The following PACRG variants were observed in gnomAD, a reference collection of about 807,000 sequenced individuals.
The protein encoded by PACRG is parkin coregulated.
In PACRG, 29 loss-of-function variants were observed where a neutral mutation model predicts 29.7. That is an observed-to-expected ratio of 0.98 (90% CI 0.73 to 1.33). The LOEUF (loss-of-function observed/expected upper bound fraction) is 1.33, where lower values mean the gene tolerates loss of function less well. PACRG is among the 40% of genes most tolerant of loss of function. The probability of loss-of-function intolerance (pLI) is 0.00; values close to 1 mark genes in which losing one functional copy is unlikely to be tolerated. For synonymous variants in PACRG, 116 were observed against 118.7 expected (o/e 0.98, Z 0.15); for missense variants, 279 against 316.2 (o/e 0.88, Z 0.89).
rs771206229 is a variant in PACRG, at chr6:163,089,294, G to T, written c.499G>T (p.Val167Phe). ...LNLRNRQVIC[V>F]TLKVLQHLVV... ...CCTCCGAAACCGACAGGTCATCTGT[G>T]TCACTCTCAAGGTCCTCCAGCATCT... Residue 167 changes from valine (V) to phenylalanine (F), a missense_variant, in exon 4 of 5, where the codon GTC (valine) becomes TTC (phenylalanine). Coordinates refer to ENST00000366888, the MANE Select transcript of PACRG (RefSeq NM_001080379.2). 1 of 1,613,960 alleles carries T rather than the reference G, an allele frequency of 6.2e-7. No homozygotes were observed. Among genetic ancestry groups the T allele is most frequent in the Non-Finnish European group, 8.5e-7 (1 of 1,180,022 alleles).
At chr6:163,119,559 A>G (rs1220861650) in intron 4 of PACRG, among the ~76,000 whole-genome samples, 2 of 152,180 alleles carry the variant, frequency 1.3e-5, no homozygotes, top group African/African-American at 4.8e-5. Context: ...TTGCTCAGCT[A>G]CACCCATCTC....
chr6:162,727,869 C>T (rs1779388996), upstream of PACRG: 2 of 603,216 alleles, frequency 3.3e-6, no homozygotes, highest in Non-Finnish European at 5.8e-6. Flanking sequence ...AGTTTCTCCT[C>T]ACGCCTCCTG....
At chr6:162,843,781 G>A (rs1249253235) in intron 2 of PACRG, among the ~76,000 whole-genome samples, 7 of 51,664 alleles carry the variant, frequency 1.4e-4, no homozygotes, top group Admixed American at 2.7e-4. Context: ...TTTTTGGTGT[G>A]GATGTCCTTT....
At chr6:162,904,355 A>G (rs1302830717) in intron 2 of PACRG, among the ~76,000 whole-genome samples, 2 of 152,232 alleles carry the variant, frequency 1.3e-5, no homozygotes, top group Non-Finnish European at 2.9e-5. Context: ...AAACTCACAC[A>G]GACTCAGGAA....
At chr6:162,752,017 C>A (rs1436761496) in intron 1 of PACRG, among the ~76,000 whole-genome samples, 1 of 152,028 alleles carries the variant, frequency 6.6e-6, no homozygotes, top group Non-Finnish European at 1.5e-5. Context: ...ACTTACATGG[C>A]ACATCTTAGG....
At chr6:163,085,366 G>T (rs2128296062) in intron 3 of PACRG, among the ~76,000 whole-genome samples, 1 of 152,238 alleles carries the variant, frequency 6.6e-6, no homozygotes, top group South Asian at 2.1e-4. Flanking sequence ...AAAGAGAAAA[G>T]AAAGAAACCC....
At chr6:162,920,463 T>C (rs1290245509) in intron 2 of PACRG, among the ~76,000 whole-genome samples, 2 of 152,204 alleles carry the variant, frequency 1.3e-5, no homozygotes, top group African/African-American at 4.8e-5. Flanking sequence ...TGGTCTATTA[T>C]GAGAACTCTG....
intron 2 of PACRG, among the ~76,000 whole-genome samples, chr6:162,980,822 A>G (rs73783954): frequency 0.059 from 9,015 of 152,268 alleles, 661 homozygotes; most frequent in African/African-American, 0.17. Flanking sequence ...ACAGGAAACT[A>G]TGGTAATTAC....
At chr6:162,905,087 C>T (rs1431188160) in intron 2 of PACRG, among the ~76,000 whole-genome samples, 1 of 152,182 alleles carries the variant, frequency 6.6e-6, no homozygotes, top group African/African-American at 2.4e-5. Flanking sequence ...GGAAAAGCCT[C>T]CTGGTCCCCT....
chr6:163,276,901 G>A (rs1370368755), intron 4 of PACRG, among the ~76,000 whole-genome samples: 1 of 152,048 alleles, frequency 6.6e-6, no homozygotes, highest in African/African-American at 2.4e-5. Flanking sequence ...TAAGATATTT[G>A]GTTATAGCAC....
chr6:163,046,443 C>T (rs752639841), intron 2 of PACRG: 1 of 151,624 alleles, frequency 6.6e-6, no homozygotes, highest in African/African-American at 2.4e-5. Flanking sequence ...TTAGCACATG[C>T]TAAATGGTAT....
intron 3 of PACRG, among the ~76,000 whole-genome samples, chr6:163,069,850 A>C (rs992410064): frequency 4.6e-5 from 7 of 152,168 alleles, no homozygotes; most frequent in African/African-American, 1.7e-4. Context: ...AAAGAAGACT[A>C]CCTCAAGACA....
intron 2 of PACRG, among the ~76,000 whole-genome samples, chr6:162,875,990 A>G (rs768181543): frequency 3.3e-5 from 5 of 152,222 alleles, no homozygotes; most frequent in South Asian, 4.2e-4. Flanking sequence ...ATGTTTATAC[A>G]TTTCCTTCCC....
chr6:162,811,317 C>T (rs1786846412), intron 1 of PACRG, among the ~76,000 whole-genome samples: 1 of 151,978 alleles, frequency 6.6e-6, no homozygotes, highest in South Asian at 2.1e-4. Flanking sequence ...CTTGAGAGAC[C>T]CTCCAGACAT....
intron 1 of PACRG, among the ~76,000 whole-genome samples, chr6:162,735,249 CAT>C (rs1272218401): frequency 6.6e-6 from 1 of 152,092 alleles, no homozygotes; most frequent in Non-Finnish European, 1.5e-5. Flanking sequence ...TGACCAAGGA[CAT>C]ATTTCTGGGA....
intron 2 of PACRG, among the ~76,000 whole-genome samples, chr6:162,950,313 C>T (rs1054916548): frequency 5.9e-5 from 9 of 151,544 alleles, no homozygotes; most frequent in Admixed American, 3.9e-4. Flanking sequence ...CTGACTAACA[C>T]GGTGAAACCC....
At chr6:162,877,077 C>G (rs899359484) in intron 2 of PACRG, among the ~76,000 whole-genome samples, 4 of 152,118 alleles carry the variant, frequency 2.6e-5, no homozygotes, top group African/African-American at 9.7e-5. Context: ...CCAGCAATCC[C>G]ATTACTGGAT....
rs533150761 is a variant in PACRG, at chr6:163,190,018, A to G, written c.613+100610A>G. The G allele has an allele frequency of 3.9e-5, 6 of 152,368 alleles. No individual in the cohort carries two copies. In the South Asian group the frequency reaches 1.0e-3, roughly 26 times the overall value. 9.4% of individuals were successfully genotyped at this position (152,368 alleles called of 1,614,324 possible). A position where few individuals can be genotyped will look rare whatever the true frequency, so the allele number is the denominator to read the frequency against. ...AGAAGTACATAATCCAAAAATCAGA[A>G]AAATTACTTCTGATAGAAGAAACTA... On this transcript the variant is annotated intron_variant, in intron 4 of 4. Transcript: ENST00000366888.
chr6:163,002,172 G>A (rs747964405), intron 2 of PACRG, among the ~76,000 whole-genome samples: 1 of 152,144 alleles, frequency 6.6e-6, no homozygotes, highest in East Asian at 1.9e-4. Context: ...TGTTACTTAG[G>A]TTGATCTATA....
Sources: allele counts gnomAD v4.1 joint callset (sites outside exome capture counted in the v4.1 genomes callset), GRCh38; gene constraint gnomAD v4.1.1; transcripts MANE v1.5; gene names NCBI Gene and HGNC (gene_info 2026-07-23, HGNC 2026-07-21).